PPP1R13L: variants seen among roughly 807,000 people sequenced by gnomAD.
PPP1R13L encodes the protein protein phosphatase 1 regulatory subunit 13 like, also known as relA-associated inhibitor.
Under a neutral mutation model 80.9 loss-of-function variants are expected in PPP1R13L, and 50 were observed. The ratio of observed to expected loss-of-function variants is 0.62; its 90% CI spans 0.49 to 0.78. The LOEUF (loss-of-function observed/expected upper bound fraction) is 0.78. Among genes scored for constraint, PPP1R13L ranks in the 30% least tolerant of loss-of-function variants. The pLI is 0.00. For synonymous variants in PPP1R13L, 602 were observed against 534.3 expected (o/e 1.13, Z -1.75); for missense variants, 1,200 against 1,205.9 (o/e 1.00, Z 0.07).
chr19:45,384,380 A>AAG (rs1555780740), intron 11 of PPP1R13L, among the ~76,000 whole-genome samples: 9 of 147,772 alleles, frequency 6.1e-5, no homozygotes, highest in African/African-American at 2.1e-4. Flanking sequence ...AAAAAAAAAA[A>AAG]AAAAAGTTAG....
rs563201390 is a variant in PPP1R13L, at chr19:45,401,106, C to A, written c.-21-2767G>T. On this transcript the variant is annotated intron_variant, in intron 1 of 12. Coordinates refer to ENST00000360957, the MANE Select transcript of PPP1R13L (RefSeq NM_006663.4). Reference sequence around the variant, plus strand: ...GCTAATTTTTTAAAAACATTTTGTACACTTTGGGAGGCTAAGGCGGGAGGA... The same window carrying A: ...GCTAATTTTTTAAAAACATTTTGTAAACTTTGGGAGGCTAAGGCGGGAGGA... 6.6e-5 allele frequency among the ~76,000 whole-genome samples: 10 copies of A among 151,216 alleles called. No homozygotes were observed. In the South Asian group the frequency reaches 1.9e-3, roughly 28 times the overall value.
intron 1 of PPP1R13L, among the ~76,000 whole-genome samples, chr19:45,399,150 A>G (rs1477838203): frequency 1.3e-5 from 2 of 149,686 alleles, no homozygotes; most frequent in East Asian, 4.2e-4. Context: ...TCACCGTGTC[A>G]GCCAGGATGG....
At position 45,395,524 on chromosome 19, in the gene PPP1R13L, G is replaced by T. The variant is rs781698880; in HGVS notation, c.1266C>A (p.Pro422=). ...GGGTCTGGGGCTGTGGGGGCAGCTG[G>T]GGCTGTGGTTGTGATTGTGGCTGGG... ...PQPQPQSQPQ[P]QLPPQPQTQP... Residue 422 remains proline, a synonymous_variant, in exon 7 of 13, where the codon CCC becomes CCA. Transcript: ENST00000360957. 22 of 1,493,138 alleles carry T rather than the reference G, an allele frequency of 1.5e-5. 1 individual carries two copies. Among genetic ancestry groups the T allele is most frequent in the African/African-American group, 8.3e-5 (6 of 72,156 alleles). 92.5% of individuals were successfully genotyped at this position (1,493,138 alleles called of 1,614,324 possible).
chr19:45,399,352 C>T (rs899131547), intron 1 of PPP1R13L, among the ~76,000 whole-genome samples: 82 of 148,998 alleles, frequency 5.5e-4, no homozygotes, highest in Non-Finnish European at 9.9e-4. Flanking sequence ...CCGCCGGGCG[C>T]GGTGGCTCAC....
chr19:45,396,944 T>C lies in PPP1R13L; in HGVS notation c.313A>G (p.Thr105Ala). 7.0e-7 allele frequency: 1 copy of C among 1,434,566 alleles called. No individual in the cohort carries two copies. The highest frequency in any genetic ancestry group is 1.5e-5 in the African/African-American group (1 of 67,408). The allele number at this position is 1,434,566 out of a possible 1,614,324, so 88.9% of individuals were successfully genotyped here. Residue 105 changes from threonine (T) to alanine (A), a missense_variant, in exon 4 of 13, where the codon ACC becomes GCC. Around this residue, in one of 5 missense-constraint regions of PPP1R13L, gnomAD observed 764 missense variants for 714.5 expected, o/e 1.07. Coordinates refer to ENST00000360957, the MANE Select transcript of PPP1R13L (RefSeq NM_006663.4). The surrounding 1 kb of genome is among the most constrained non-coding windows in gnomAD (Gnocchi z 5.3). ...GACAGCGGGCTGTAGGGGTGTAGGG[T>C]TGGGGCACTCTCTGATCGTCCGAAC... ...TPFGRSESAP[T>A]LHPYSPLSPK... is the part of the protein sequence containing the mutation.
At chr19:45,404,663 T>C (rs1818787195) in intron 1 of PPP1R13L, among the ~76,000 whole-genome samples, 1 of 152,084 alleles carries the variant, frequency 6.6e-6, no homozygotes, top group Non-Finnish European at 1.5e-5. Flanking sequence ...AGTCTGAGCC[T>C]CTCATTTCTG....
intron 1 of PPP1R13L, among the ~76,000 whole-genome samples, chr19:45,401,328 C>T (rs1213975696): frequency 6.8e-6 from 1 of 147,966 alleles, no homozygotes; most frequent in East Asian, 2.0e-4. Flanking sequence ...GCACTCCAGC[C>T]TCGGAGACAG....
At chr19:45,398,172 G>T (rs374549292) in intron 2 of PPP1R13L, 25 bp from the exon 3 acceptor site, 1 of 1,612,642 alleles carries the variant, frequency 6.2e-7, no homozygotes, top group Non-Finnish European at 8.5e-7. Context: ...GTGGAGGTAA[G>T]GACCTGGCCT....
rs113649282 is a variant in PPP1R13L, at chr19:45,398,585, C to CTT, written c.-21-248_-21-247dup. 1.0e-3 allele frequency among the ~76,000 whole-genome samples: 138 copies of CTT among 136,494 alleles called. 2 individuals carry two copies. The highest frequency in any genetic ancestry group is 6.5e-3 in the South Asian group (28 of 4,340). 89.5% of individuals were successfully genotyped at this position (136,494 alleles called of 152,430 possible). The stretch of plus-strand genomic sequence containing the variant: ...CACTTTCTCTTTCTTTTTTTCTTTT[C>CTT]TTTTTTTTTTTTTTTTTGTGTATGT... On this transcript the variant is annotated intron_variant, in intron 1 of 12. Coordinates refer to ENST00000360957, the MANE Select transcript of PPP1R13L (RefSeq NM_006663.4).
At chr19:45,397,973 G>C in intron 3 of PPP1R13L, 32 bp downstream of exon 3, 1 of 1,590,870 alleles carries the variant, frequency 6.3e-7, no homozygotes, top group Non-Finnish European at 8.6e-7. Context: ...CGAGAGGCTG[G>C]CTTTGGAGAT....
At chr19:45,389,720 G>A (rs1250462187) in intron 8 of PPP1R13L, among the ~76,000 whole-genome samples, 1 of 152,176 alleles carries the variant, frequency 6.6e-6, no homozygotes, top group African/African-American at 2.4e-5. Flanking sequence ...TGACGCAGGA[G>A]AATCACTTTA....
At chr19:45,381,315 G>T (rs1972759402) in intron 12 of PPP1R13L, among the ~76,000 whole-genome samples, 1 of 151,552 alleles carries the variant, frequency 6.6e-6, no homozygotes, top group Non-Finnish European at 1.5e-5. Context: ...GCCCGCCTTG[G>T]CCTCCCAAAG....
intron 1 of PPP1R13L, among the ~76,000 whole-genome samples, chr19:45,399,131 G>A (rs1402916683): frequency 6.6e-6 from 1 of 151,296 alleles, no homozygotes; most frequent in African/African-American, 2.4e-5. Flanking sequence ...TTTTAGTAGA[G>A]ACGGGGTTTC....
At chr19:45,395,999 G>A (rs1015688625) in intron 6 of PPP1R13L, 113 bp from the exon 7 acceptor site, 1 of 1,285,146 alleles carries the variant, frequency 7.8e-7, no homozygotes, top group Middle Eastern at 2.3e-4. Flanking sequence ...GAGTGAGGGA[G>A]AAGAAAGGGT....
In PPP1R13L at chr19:45,395,733, G is replaced by C. The variant is rs748030234; in HGVS notation, c.1057C>G (p.Pro353Ala). ...GGCTGGGGGCTGGAGGGGGGCATGG[G>C]GATGCGGCTGACGGGCTGCCAGCTG... ...PRSWQPVSRI[P>A]MPPSSPQPRG... Residue 353 changes from proline to alanine, a missense_variant, in exon 7 of 13, where the codon CCC becomes GCC. This residue lies in a region of PPP1R13L where 764 missense variants were observed against 714.5 expected (regional missense o/e 1.07). Coordinates refer to ENST00000360957, the MANE Select transcript of PPP1R13L (RefSeq NM_006663.4). 5.1e-4 allele frequency: 770 copies of C among 1,514,078 alleles called. 2 individuals carry two copies. Among genetic ancestry groups the C allele is most frequent in the South Asian group, 1.8e-3 (141 of 78,452 alleles). The allele number at this position is 1,514,078 out of a possible 1,614,324, so 93.8% of individuals were successfully genotyped here.
intron 1 of PPP1R13L, among the ~76,000 whole-genome samples, chr19:45,400,501 C>T (rs987400757): frequency 4.6e-5 from 7 of 151,778 alleles, no homozygotes; most frequent in Non-Finnish European, 7.4e-5. Context: ...TTCAGGCTGG[C>T]GGCTCATTTG....
chr19:45,395,118 T>TCTG (rs1973054763), intron 7 of PPP1R13L: 1 of 301,964 alleles, frequency 3.3e-6, no homozygotes, highest in Non-Finnish European at 6.2e-6. Flanking sequence ...GTGCTGGGAT[T>TCTG]ACAGGCATGA....
At chr19:45,380,360 T>C (rs1972739236) in intron 12 of PPP1R13L, 132 bp from the exon 13 acceptor site, 1 of 981,838 alleles carries the variant, frequency 1.0e-6, no homozygotes, top group Non-Finnish European at 1.6e-6. Context: ...TGCTCCAGAA[T>C]CCAAGTTCTG....
At chr19:45,382,467 C>G in intron 12 of PPP1R13L, 60 bp downstream of exon 12, 2 of 1,558,196 alleles carry the variant, frequency 1.3e-6, no homozygotes, top group Non-Finnish European at 1.8e-6. Context: ...CCTGTGGGAT[C>G]CCCCTTTTCC....
Sources: allele counts gnomAD v4.1 joint callset (sites outside exome capture counted in the v4.1 genomes callset), GRCh38; gene constraint gnomAD v4.1.1; regional missense constraint gnomAD v4.1.1; non-coding constraint Gnocchi (gnomAD v3.1); transcripts MANE v1.5; gene names NCBI Gene and HGNC (gene_info 2026-07-23, HGNC 2026-07-21).